Variants in FRAS1 observed in about 807,000 individuals in gnomAD.
The protein encoded by FRAS1 is extracellular matrix organizing protein FRAS1.
FRAS1 carries 290 observed loss-of-function variants against 435.2 expected under a neutral mutation model. The ratio of observed to expected loss-of-function variants is 0.67; its 90% CI spans 0.61 to 0.73. The LOEUF is 0.73. Among genes scored for constraint, FRAS1 ranks in the 30% least tolerant of loss-of-function variants. The probability of loss-of-function intolerance (pLI) is 0.00; values close to 1 mark genes in which losing one functional copy is unlikely to be tolerated. For missense variants in FRAS1, 4,860 were observed against 5,001.5 expected (o/e 0.97, Z 0.85); for synonymous variants, 1,800 against 1,851.0 (o/e 0.97, Z 0.71).
chr4:78,322,222 C>T (rs2110242331), intron 18 of FRAS1, among the ~76,000 whole-genome samples: 1 of 152,272 alleles, frequency 6.6e-6, no homozygotes, highest in African/African-American at 2.4e-5. Context: ...TTCTGCCTTC[C>T]CATAATCTGT....
intron 20 of FRAS1, among the ~76,000 whole-genome samples, chr4:78,340,441 A>G (rs567330980): frequency 1.3e-5 from 2 of 152,344 alleles, no homozygotes; most frequent in South Asian, 4.1e-4. Context: ...CACTAAATGT[A>G]TGACTTATCT....
At chr4:78,482,671 T>A (rs1720049494) in intron 58 of FRAS1, 136 bp downstream of exon 58, 1 of 896,564 alleles carries the variant, frequency 1.1e-6, no homozygotes, top group South Asian at 1.7e-5. Context: ...TACGTGAGCA[T>A]TTGCACTTTT....
Position 78,432,522 on chromosome 4 carries a change from G to C in FRAS1, c.5135G>C (p.Arg1712Pro), listed in dbSNP as rs767932241. Reference sequence around the variant, plus strand: ...TCCCTGTCAGAAGACCGAGGGCCTCGACTGGCTGCTGGCTCCTCTCTGAGC... The same window carrying C: ...TCCCTGTCAGAAGACCGAGGGCCTCCACTGGCTGCTGGCTCCTCTCTGAGC... ...EVSLSEDRGP[R>P]LAAGSSLSIT... The change falls in exon 38 of 74, where the codon CGA (arginine) becomes CCA (proline). Residue 1712 changes from arginine to proline, a missense_variant. By Grantham distance (103) the Arg-to-Pro change is moderately radical (BLOSUM62 -2). Transcript: ENST00000512123. 1 of 1,612,868 alleles carries C rather than the reference G, an allele frequency of 6.2e-7. No homozygotes were observed. Among genetic ancestry groups the C allele is most frequent in the Non-Finnish European group, 8.5e-7 (1 of 1,179,452 alleles).
At chr4:78,249,048 GAT>G (rs1268017507) in intron 4 of FRAS1, among the ~76,000 whole-genome samples, 6 of 27,530 alleles carry the variant, frequency 2.2e-4, no homozygotes, top group African/African-American at 5.0e-4. Context: ...AAGAACTACT[GAT>G]ATATATATAT....
chr4:78,434,195 G>A (rs186667877), intron 38 of FRAS1, among the ~76,000 whole-genome samples: 1 of 152,308 alleles, frequency 6.6e-6, no homozygotes, highest in East Asian at 1.9e-4. Context: ...AGATGAGTCT[G>A]TTCTTAGTTT....
chr4:78,203,141 C>G (rs952491972), intron 2 of FRAS1, among the ~76,000 whole-genome samples: 6 of 152,158 alleles, frequency 3.9e-5, no homozygotes, highest in African/African-American at 1.4e-4. Flanking sequence ...CAGACTGGTT[C>G]GATTTGTTTA....
At chr4:78,260,352 A>C (rs1726025635) in intron 6 of FRAS1, among the ~76,000 whole-genome samples, 1 of 152,072 alleles carries the variant, frequency 6.6e-6, no homozygotes, top group East Asian at 1.9e-4. Context: ...ATGTTCTTCC[A>C]TTTGTTTGTG....
chr4:78,472,375 A>G (rs772485044), intron 52 of FRAS1, 45 bp downstream of exon 52: 1 of 1,503,884 alleles, frequency 6.6e-7, no homozygotes, highest in African/African-American at 1.4e-5. Context: ...ATCTATGCTA[A>G]TGTCACACTG....
At chr4:78,176,083 C>T (rs922287637) in intron 2 of FRAS1, among the ~76,000 whole-genome samples, 13 of 152,082 alleles carry the variant, frequency 8.5e-5, no homozygotes, top group East Asian at 5.8e-4. Flanking sequence ...TTGATGCCCA[C>T]GAAATTAAGG....
intron 9 of FRAS1, among the ~76,000 whole-genome samples, chr4:78,272,663 T>G (rs1006253027): frequency 1.3e-5 from 2 of 152,216 alleles, no homozygotes; most frequent in African/African-American, 4.8e-5. Context: ...TCTGTTCCAT[T>G]GGTCTATATC....
At chr4:78,215,530 G>A (rs972327086) in intron 2 of FRAS1, among the ~76,000 whole-genome samples, 1 of 152,170 alleles carries the variant, frequency 6.6e-6, no homozygotes, top group Non-Finnish European at 1.5e-5. Context: ...AGTGTTAAGT[G>A]TATCCACATT....
rs182379176 is a variant in FRAS1 at position 78,427,546 on chromosome 4, A to G, written c.4712-1549A>G. On this transcript the variant is annotated intron_variant, in intron 35 of 73. Transcript: ENST00000512123. ...CATCAGAGCATCCTGAATCCACTAAAACTTATGAAAAAGTTTGTATGCTTG... is the reference window on the plus strand; with the variant it reads ...CATCAGAGCATCCTGAATCCACTAAGACTTATGAAAAAGTTTGTATGCTTG... Among the ~76,000 whole-genome samples, 232 of 152,360 alleles carry G rather than the reference A, an allele frequency of 1.5e-3. 1 individual carries two copies. The highest frequency in any genetic ancestry group is 2.0e-3 in the Non-Finnish European group (137 of 68,036).
At chr4:78,263,119 TG>T (rs1330377705) in intron 6 of FRAS1, among the ~76,000 whole-genome samples, 1 of 152,162 alleles carries the variant, frequency 6.6e-6, no homozygotes, top group Non-Finnish European at 1.5e-5. Flanking sequence ...TTCAGGTGTA[TG>T]GTAACAACAA....
intron 69 of FRAS1, among the ~76,000 whole-genome samples, chr4:78,523,087 T>TA (rs758741519): frequency 6.6e-6 from 1 of 151,878 alleles, no homozygotes; most frequent in Non-Finnish European, 1.5e-5. Flanking sequence ...TCCTGACTCT[T>TA]AAAAAATAAT....
chr4:78,111,719 A>T (rs1282170009), intron 2 of FRAS1, among the ~76,000 whole-genome samples: 2 of 131,508 alleles, frequency 1.5e-5, no homozygotes, highest in East Asian at 4.4e-4. Context: ...AACCTGCACA[A>T]TGTGCACATG....
chr4:78,160,876 G>A (rs922552817), intron 2 of FRAS1, among the ~76,000 whole-genome samples: 5 of 152,268 alleles, frequency 3.3e-5, no homozygotes, highest in East Asian at 3.9e-4. Flanking sequence ...AGTGGCTCAT[G>A]CCTGTTAATC....
intron 58 of FRAS1, among the ~76,000 whole-genome samples, chr4:78,486,691 A>G (rs1262104150): frequency 6.6e-6 from 1 of 152,050 alleles, no homozygotes; most frequent in Non-Finnish European, 1.5e-5. Context: ...CCTGTGCTAA[A>G]TCTCTTCCTG....
At chr4:78,269,093 A>G (rs1222214866) in intron 9 of FRAS1, among the ~76,000 whole-genome samples, 1 of 152,256 alleles carries the variant, frequency 6.6e-6, no homozygotes, top group Non-Finnish European at 1.5e-5. Flanking sequence ...CTGATGAAAC[A>G]TATCTCTTAG....
At chr4:78,470,494 T>G (rs1330630721) in intron 51 of FRAS1, among the ~76,000 whole-genome samples, 1 of 152,182 alleles carries the variant, frequency 6.6e-6, no homozygotes, top group Non-Finnish European at 1.5e-5. Flanking sequence ...CTTCAGAAAT[T>G]CATCAATATA....
Sources: allele counts gnomAD v4.1 joint callset (sites outside exome capture counted in the v4.1 genomes callset), GRCh38; gene constraint gnomAD v4.1.1; transcripts MANE v1.5; gene names NCBI Gene and HGNC (gene_info 2026-07-23, HGNC 2026-07-21).